The following ROBO1 variants were observed in gnomAD, a reference collection of about 807,000 sequenced individuals.
The protein encoded by ROBO1 is roundabout homolog 1.
ROBO1 carries 149 observed loss-of-function variants against 195.9 expected under a neutral mutation model. The ratio of observed to expected loss-of-function variants is 0.76; its 90% CI spans 0.67 to 0.87. The LOEUF is 0.87. Ranked by LOEUF, ROBO1 falls within the 40% of genes least tolerant of loss-of-function variation. The pLI, the probability that ROBO1 is intolerant of heterozygous loss-of-function variation, is 0.00. For missense variants in ROBO1, 1,933 were observed against 2,068.3 expected, an observed-to-expected ratio of 0.93 and a Z score of 1.27; for synonymous variants, 816 against 733.2, an observed-to-expected ratio of 1.11 and a Z score of -1.82.
rs557781910 is a variant in ROBO1, at chr3:79,465,216, G to A, written c.88+124608C>T. 3.9e-5 allele frequency among the ~76,000 whole-genome samples: 6 copies of A among 152,186 alleles called. No individual in the cohort carries two copies. In the South Asian group the frequency reaches 8.3e-4, roughly 21 times the overall value. On this transcript the variant is annotated intron_variant, in intron 2 of 30. Transcript: ENST00000464233. ...TTATCTGTTCATAGATGTAACAGGG[G>A]TGCTTATTAGAAACAAAGAACATTA... is the stretch of plus-strand genomic sequence containing the variant.
At chr3:78,984,183 GTGA>G (rs1275318593) in intron 3 of ROBO1, among the ~76,000 whole-genome samples, 4 of 152,194 alleles carry the variant, frequency 2.6e-5, no homozygotes, top group Non-Finnish European at 5.9e-5. Context: ...GGTGGTGGTG[GTGA>G]TGATGAGGAT....
intron 8 of ROBO1, among the ~76,000 whole-genome samples, chr3:78,711,348 C>CTCCTTTCTTTTCTTTCT (rs1575992298): frequency 1.8e-5 from 1 of 54,688 alleles, no homozygotes; most frequent in Non-Finnish European, 3.2e-5. Flanking sequence ...TCCTTCCTTC[C>CTCCTTTCTTTTCTTTCT]TCCTTCCTTC....
chr3:78,845,009 T>C (rs329813), intron 4 of ROBO1, among the ~76,000 whole-genome samples: 48,547 of 151,926 alleles, frequency 0.32, 7,952 homozygotes, highest in Non-Finnish European at 0.36. Flanking sequence ...TTTAGTCTTG[T>C]AGATTGAAGA....
At chr3:79,624,624 G>T (rs1945112117) in intron 1 of ROBO1, among the ~76,000 whole-genome samples, 1 of 151,688 alleles carries the variant, frequency 6.6e-6, no homozygotes, top group Admixed American at 6.6e-5. Context: ...AATGGAAAAG[G>T]GAACAATTCA....
chr3:79,538,972 A>G (rs976516576), intron 2 of ROBO1, among the ~76,000 whole-genome samples: 1 of 152,188 alleles, frequency 6.6e-6, no homozygotes, highest in Non-Finnish European at 1.5e-5. Context: ...TAGAGTTTGT[A>G]CAGAAAATAG....
chr3:78,966,778 A>G (rs1224165927), intron 3 of ROBO1, among the ~76,000 whole-genome samples: 1 of 152,222 alleles, frequency 6.6e-6, no homozygotes, highest in Non-Finnish European at 1.5e-5. Context: ...ACTAAGTATC[A>G]ATTAATTTCC....
intron 3 of ROBO1, among the ~76,000 whole-genome samples, chr3:78,998,350 G>A (rs537815351): frequency 5.3e-4 from 81 of 152,064 alleles, no homozygotes; most frequent in African/African-American, 1.8e-3. Flanking sequence ...TTTATTTCAG[G>A]CCATGTTCTG....
chr3:78,923,534 G>A (rs1348717596), intron 4 of ROBO1, among the ~76,000 whole-genome samples: 2 of 152,098 alleles, frequency 1.3e-5, no homozygotes, highest in Non-Finnish European at 2.9e-5. Context: ...TGTGTGTAAT[G>A]CTACTCTATA....
intron 3 of ROBO1, among the ~76,000 whole-genome samples, chr3:79,045,483 G>A (rs1454684224): frequency 6.6e-6 from 1 of 151,968 alleles, no homozygotes; most frequent in Non-Finnish European, 1.5e-5. Flanking sequence ...AACATATGGA[G>A]ATATATGGAG....
At chr3:79,076,683 T>C (rs2079179573) in intron 3 of ROBO1, among the ~76,000 whole-genome samples, 1 of 151,722 alleles carries the variant, frequency 6.6e-6, no homozygotes, top group African/African-American at 2.4e-5. Flanking sequence ...AGTCAAATGG[T>C]AGAATTTCTA....
intron 19 of ROBO1, among the ~76,000 whole-genome samples, chr3:78,650,562 T>A (rs1706581571): frequency 6.6e-6 from 1 of 152,190 alleles, no homozygotes; most frequent in Admixed American, 6.5e-5. Flanking sequence ...AAGTTCTAGC[T>A]AACATGAAAA....
intron 2 of ROBO1, among the ~76,000 whole-genome samples, chr3:79,565,604 T>C (rs533768825): frequency 1.2e-4 from 19 of 152,080 alleles, no homozygotes; most frequent in African/African-American, 4.3e-4. Flanking sequence ...GATAATAATA[T>C]GAATATAGCA....
intron 26 of ROBO1, among the ~76,000 whole-genome samples, chr3:78,625,422 A>C (rs1449327715): frequency 1.3e-5 from 2 of 152,368 alleles, no homozygotes; most frequent in East Asian, 3.9e-4. Context: ...CAAGACAGCC[A>C]TCAAAGTAAA....
At chr3:79,184,761 G>T (rs2081406387) in intron 2 of ROBO1, among the ~76,000 whole-genome samples, 2 of 152,084 alleles carry the variant, frequency 1.3e-5, no homozygotes, top group African/African-American at 2.4e-5. Flanking sequence ...CTGAAAAGTG[G>T]GGGAAATTGC....
At chr3:79,734,660 T>C (rs1010480716) in intron 1 of ROBO1, among the ~76,000 whole-genome samples, 1 of 152,192 alleles carries the variant, frequency 6.6e-6, no homozygotes, top group Non-Finnish European at 1.5e-5. Flanking sequence ...CAAAACTTCT[T>C]GCTCTAAATT....
At chr3:79,250,346 T>C (rs2082697153) in intron 2 of ROBO1, among the ~76,000 whole-genome samples, 1 of 152,190 alleles carries the variant, frequency 6.6e-6, no homozygotes, top group Admixed American at 6.5e-5. Flanking sequence ...ACATTAGACA[T>C]TAAAATAGTT....
rs2083181339 is a variant in ROBO1, at chr3:78,764,538, T to A, written c.500-17638A>T. Among the ~76,000 whole-genome samples, 7 of 152,282 alleles carry A rather than the reference T, an allele frequency of 4.6e-5. No individual in the cohort carries two copies. In the South Asian group the frequency reaches 1.4e-3, roughly 32 times the overall value. On this transcript the variant is annotated intron_variant, in intron 4 of 30. Transcript: ENST00000464233. ...TGGCAGCCACAAGATTTGACCAAGATGCTTCACTGTGGAGCGGCTGCTTAT... is the reference window on the plus strand; with the variant it reads ...TGGCAGCCACAAGATTTGACCAAGAAGCTTCACTGTGGAGCGGCTGCTTAT...
chr3:78,928,203 GAATT>G (rs951236171), intron 4 of ROBO1, among the ~76,000 whole-genome samples: 1 of 152,080 alleles, frequency 6.6e-6, no homozygotes, highest in South Asian at 2.1e-4. Flanking sequence ...CTTAATGACA[GAATT>G]AATTGTCTGT....
At chr3:79,746,167 C>A (rs1296143239) in intron 1 of ROBO1, among the ~76,000 whole-genome samples, 1 of 151,982 alleles carries the variant, frequency 6.6e-6, no homozygotes, top group Admixed American at 6.6e-5. Context: ...GGAAAGTTTT[C>A]AATTCCATTT....
Sources: gnomAD v4.1 joint callset for allele counts (sites outside exome capture counted in the v4.1 genomes callset) on GRCh38, gnomAD v4.1.1 for gene constraint, MANE v1.5 for transcripts, NCBI Gene and HGNC (gene_info 2026-07-23, HGNC 2026-07-21) for gene names.